The following GTF2H2C variants were observed in gnomAD, a reference collection of about 807,000 sequenced individuals.
The protein encoded by GTF2H2C is GTF2H2 family member C, also known as general transcription factor IIH subunit 2-like protein.
GTF2H2C carries 5 observed loss-of-function variants against 24.8 expected under a neutral mutation model. That is an observed-to-expected ratio of 0.20 (90% CI 0.11 to 0.42). The LOEUF is 0.42. Ranked by LOEUF, GTF2H2C falls within the 20% of genes least tolerant of loss-of-function variation. GTF2H2C has a pLI of 1.00. For missense variants in GTF2H2C, 45 were observed against 169.8 expected, an observed-to-expected ratio of 0.27 and a Z score of 4.08; for synonymous variants, 14 against 52.6, an observed-to-expected ratio of 0.27 and a Z score of 3.18.
intron 15 of GTF2H2C, among the ~76,000 whole-genome samples, chr5:69,590,091 G>C (rs1245193710): frequency 6.6e-6 from 1 of 150,672 alleles, no homozygotes; most frequent in South Asian, 2.1e-4. Context: ...CGCCACGTTG[G>C]CCAGGCTGGT....
intron 9 of GTF2H2C, among the ~76,000 whole-genome samples, chr5:69,573,143 TATACACACAC>T (rs1450638557): frequency 3.3e-5 from 3 of 92,046 alleles, no homozygotes; most frequent in Admixed American, 1.2e-4. Context: ...ATCTATTATA[TATACACACAC>T]ACACACACAC....
chr5:69,581,395 G>A (rs1401852190), intron 12 of GTF2H2C, among the ~76,000 whole-genome samples: 2 of 129,836 alleles, frequency 1.5e-5, no homozygotes, highest in Admixed American at 8.4e-5. Flanking sequence ...TCTTTTCCAC[G>A]GTCTTCTCAT....
chr5:69,566,707 C>G, intron 5 of GTF2H2C, 82 bp downstream of exon 5: 1 of 684,788 alleles, frequency 1.5e-6, no homozygotes. Flanking sequence ...AAAACAATAG[C>G]AAAACAACAA....
At chr5:69,580,141 TC>T (rs1462860744) in intron 12 of GTF2H2C, among the ~76,000 whole-genome samples, 6 of 143,214 alleles carry the variant, frequency 4.2e-5, no homozygotes, top group Non-Finnish European at 7.4e-5. Flanking sequence ...ACACCTGTAA[TC>T]CCAGCACTTT....
intron 1 of GTF2H2C, among the ~76,000 whole-genome samples, chr5:69,560,805 T>C (rs1770272450): frequency 1.3e-5 from 2 of 152,106 alleles, no homozygotes; most frequent in Non-Finnish European, 2.9e-5. Context: ...GTCGCCAGGC[T>C]GGAGTGCAGC....
chr5:69,561,686 CTG>C (rs1158755295), intron 1 of GTF2H2C, among the ~76,000 whole-genome samples: 4 of 151,614 alleles, frequency 2.6e-5, no homozygotes, highest in Non-Finnish European at 2.9e-5. Flanking sequence ...GGGTCTCACT[CTG>C]TCACCCAGTC....
intron 9 of GTF2H2C, among the ~76,000 whole-genome samples, chr5:69,573,145 TACACACAC>T (rs779761105): frequency 4.7e-4 from 55 of 117,450 alleles, no homozygotes; most frequent in South Asian, 1.3e-3. Flanking sequence ...CTATTATATA[TACACACAC>T]ACACACACAC....
chr5:69,560,992 G>A (rs1304222578), intron 1 of GTF2H2C, among the ~76,000 whole-genome samples: 2 of 152,014 alleles, frequency 1.3e-5, no homozygotes, highest in African/African-American at 2.4e-5. Flanking sequence ...TCTTGACCTC[G>A]TGATCCTCCC....
At chr5:69,573,023 G>T (rs1771144301) in intron 9 of GTF2H2C, among the ~76,000 whole-genome samples, 1 of 126,570 alleles carries the variant, frequency 7.9e-6, no homozygotes, top group African/African-American at 3.1e-5. Context: ...TATAGTTAAA[G>T]CTTATATATA....
At chr5:69,568,491 C>T (rs1397933688) in intron 8 of GTF2H2C, 162 of 100,100 alleles carry the variant, frequency 1.6e-3, no homozygotes, top group South Asian at 3.1e-3. Context: ...TTTTTCTTTC[C>T]TTTTTTTTTT....
Position 69,573,143 on chromosome 5 carries a change from T to C in GTF2H2C, c.470+593T>C, listed in dbSNP as rs867232713. Among the ~76,000 whole-genome samples the C allele has an allele frequency of 1.5e-3, 135 of 92,030 alleles. 1 individual carries two copies. The highest frequency in any genetic ancestry group is 7.9e-3 in the East Asian group (22 of 2,782). The allele number at this position is 92,030 out of a possible 152,430, so 60.4% of individuals were successfully genotyped here. A position where few individuals can be genotyped will look rare whatever the true frequency, so the allele number is the denominator to read the frequency against. On this transcript the variant is annotated intron_variant, in intron 9 of 16. Transcript: ENST00000380729. ...AGTTAAAGCTTATATATCTATTATA[T>C]ATACACACACACACACACACACACA...
At chr5:69,566,353 C>T (rs1770757850) in intron 4 of GTF2H2C, 145 bp downstream of exon 4, 1 of 1,062,896 alleles carries the variant, frequency 9.4e-7, no homozygotes, top group Non-Finnish European at 1.4e-6. Context: ...AAGAACTAGC[C>T]ACCTACCCTT....
chr5:69,577,336 T>C (rs1180813126), intron 9 of GTF2H2C, among the ~76,000 whole-genome samples: 1 of 128,992 alleles, frequency 7.8e-6, no homozygotes, highest in Non-Finnish European at 1.6e-5. Flanking sequence ...ATAAAGTATT[T>C]TTCATAAAGG....
At chr5:69,562,000 G>A (rs1462885960) in intron 1 of GTF2H2C, among the ~76,000 whole-genome samples, 2 of 152,076 alleles carry the variant, frequency 1.3e-5, no homozygotes, top group East Asian at 1.9e-4. Flanking sequence ...TTCACAATAC[G>A]TAACAGAAAA....
chr5:69,565,238 T>G (rs767215034), intron 3 of GTF2H2C, 50 bp downstream of exon 3: 2 of 552,788 alleles, frequency 3.6e-6, no homozygotes, highest in South Asian at 2.6e-5. Context: ...ATGTCTTTTT[T>G]TTTCTTTACA....
At chr5:69,563,275 T>C (rs75331578) in intron 2 of GTF2H2C, among the ~76,000 whole-genome samples, 3 of 143,918 alleles carry the variant, frequency 2.1e-5, no homozygotes, top group African/African-American at 2.7e-5. Context: ...AGTGAAGTGG[T>C]GTGACCTTGG....
intron 2 of GTF2H2C, among the ~76,000 whole-genome samples, chr5:69,563,263 G>A (rs1012547473): frequency 6.1e-5 from 9 of 147,524 alleles, no homozygotes; most frequent in African/African-American, 2.1e-4. Context: ...CACCCAGGCT[G>A]GAGTGAAGTG....
At chr5:69,560,968 G>C (rs1456343288) in intron 1 of GTF2H2C, among the ~76,000 whole-genome samples, 1 of 152,012 alleles carries the variant, frequency 6.6e-6, no homozygotes, top group African/African-American at 2.4e-5. Flanking sequence ...ATGTTGGCTA[G>C]GATGGTCTTG....
chr5:69,562,234 A>C (rs2112160462), intron 1 of GTF2H2C, among the ~76,000 whole-genome samples: 1 of 152,260 alleles, frequency 6.6e-6, no homozygotes, highest in Non-Finnish European at 1.5e-5. Context: ...CAGGAGGATC[A>C]CTTGAACTCG....
Sources: allele counts gnomAD v4.1 joint callset (sites outside exome capture counted in the v4.1 genomes callset), GRCh38; gene constraint gnomAD v4.1.1; transcripts MANE v1.5; gene names NCBI Gene and HGNC (gene_info 2026-07-23, HGNC 2026-07-21).